Variants in NRF1 observed in about 807,000 individuals in gnomAD.
NRF1 encodes the protein alpha palindromic-binding protein.
NRF1 carries 5 observed loss-of-function variants against 58.5 expected under a neutral mutation model. That is an observed-to-expected ratio of 0.09 (90% CI 0.04 to 0.18). The LOEUF (loss-of-function observed/expected upper bound fraction) is 0.18, where lower values mean the gene tolerates loss of function less well. Ranked by LOEUF, NRF1 falls within the 10% of genes least tolerant of loss-of-function variation. NRF1 has a pLI of 1.00. For missense variants in NRF1, 288 were observed against 657.7 expected (o/e 0.44, Z 6.15); for synonymous variants, 224 against 246.7 (o/e 0.91, Z 0.86).
At chr7:129,665,289 G>GCTTA (rs981279945) in intron 2 of NRF1, among the ~76,000 whole-genome samples, 2 of 152,208 alleles carry the variant, frequency 1.3e-5, no homozygotes, top group African/African-American at 4.8e-5. Context: ...AGAGCACAGG[G>GCTTA]CTTACCTGCC....
chr7:129,634,123 T>C (rs990670919), intron 1 of NRF1, among the ~76,000 whole-genome samples: 2 of 150,414 alleles, frequency 1.3e-5, no homozygotes, highest in African/African-American at 4.9e-5. Flanking sequence ...ACAGAAAAAT[T>C]GAGTGGAGAG....
chr7:129,716,039 C>T (rs2116213731), intron 8 of NRF1, among the ~76,000 whole-genome samples: 1 of 152,028 alleles, frequency 6.6e-6, no homozygotes, highest in East Asian at 1.9e-4. Flanking sequence ...TTCTATGCAG[C>T]CATTTTTAAG....
At chr7:129,656,083 T>C (rs1801648138) in intron 1 of NRF1, among the ~76,000 whole-genome samples, 1 of 152,164 alleles carries the variant, frequency 6.6e-6, no homozygotes, top group African/African-American at 2.4e-5. Flanking sequence ...CAGATGTCTA[T>C]TCAAGAATAG....
intron 5 of NRF1, among the ~76,000 whole-genome samples, chr7:129,704,563 T>G (rs970416982): frequency 2.0e-5 from 3 of 152,182 alleles, no homozygotes; most frequent in Admixed American, 2.0e-4. Flanking sequence ...CCTGAAATGT[T>G]TGGGACCAGA....
chr7:129,716,508 AT>A (rs1803192962), intron 8 of NRF1, among the ~76,000 whole-genome samples: 1 of 152,064 alleles, frequency 6.6e-6, no homozygotes, highest in Admixed American at 6.6e-5. Flanking sequence ...AATTGTATAT[AT>A]TTATCTGGCA....
intron 4 of NRF1, among the ~76,000 whole-genome samples, chr7:129,682,290 C>T (rs1802333249): frequency 6.6e-6 from 1 of 151,906 alleles, no homozygotes; most frequent in East Asian, 1.9e-4. Flanking sequence ...GAGACTTCAT[C>T]TCTACAAAAA....
chr7:129,730,874 G>A (rs779916996), intron 10 of NRF1, among the ~76,000 whole-genome samples: 1 of 151,924 alleles, frequency 6.6e-6, no homozygotes, highest in Non-Finnish European at 1.5e-5. Flanking sequence ...CTACTTGGGG[G>A]TCTGAGGTGA....
intron 1 of NRF1, among the ~76,000 whole-genome samples, chr7:129,647,626 C>G (rs1308650401): frequency 1.3e-5 from 2 of 152,130 alleles, no homozygotes; most frequent in African/African-American, 4.8e-5. Context: ...AAACTTCTGA[C>G]CTCGCGATCC....
At chr7:129,747,217 G>A (rs1803996536) in intron 10 of NRF1, among the ~76,000 whole-genome samples, 1 of 152,114 alleles carries the variant, frequency 6.6e-6, no homozygotes. Context: ...GAGTGGTTCT[G>A]CCTGGTTGCT....
At chr7:129,660,624 G>A (rs1222063853) in intron 2 of NRF1, among the ~76,000 whole-genome samples, 1 of 150,892 alleles carries the variant, frequency 6.6e-6, no homozygotes. Flanking sequence ...TTGATTCCAT[G>A]TCTCACATCC....
At chr7:129,668,347 C>A (rs1014720617) in intron 2 of NRF1, among the ~76,000 whole-genome samples, 5 of 152,116 alleles carry the variant, frequency 3.3e-5, no homozygotes, top group Non-Finnish European at 5.9e-5. Context: ...GGAGATATAA[C>A]CTTAATGAGT....
At chr7:129,719,497 AACACACACACACACACACACACAC>A (rs67443980) in intron 9 of NRF1, among the ~76,000 whole-genome samples, 1 of 141,894 alleles carries the variant, frequency 7.0e-6, no homozygotes, top group East Asian at 2.0e-4. Context: ...AGGAAACTGA[AACACACACACACACACACACACAC>A]ACACACACAC....
chr7:129,670,691 A>G (rs937062534), intron 2 of NRF1, among the ~76,000 whole-genome samples: 3 of 152,326 alleles, frequency 2.0e-5, no homozygotes, highest in Middle Eastern at 3.4e-3. Context: ...AGAGACTTCA[A>G]TAGTTCCTTT....
At chr7:129,709,710 C>A (rs1029828487) in intron 6 of NRF1, among the ~76,000 whole-genome samples, 3 of 148,578 alleles carry the variant, frequency 2.0e-5, no homozygotes, top group Admixed American at 1.3e-4. Flanking sequence ...ATTTATTTTT[C>A]TTTTTCTTTC....
chr7:129,747,607 A>G (rs779336702), intron 10 of NRF1, among the ~76,000 whole-genome samples: 11 of 152,122 alleles, frequency 7.2e-5, no homozygotes, highest in Non-Finnish European at 1.2e-4. Context: ...CATCCCATCT[A>G]TCTAGTTTAG....
intron 1 of NRF1, among the ~76,000 whole-genome samples, chr7:129,639,855 CT>C (rs1041893628): frequency 6.6e-6 from 1 of 152,092 alleles, no homozygotes; most frequent in Non-Finnish European, 1.5e-5. Context: ...TCCGCCCCCC[CT>C]TTTTTAAAAA....
chr7:129,682,345 G>T (rs950292556), intron 4 of NRF1, among the ~76,000 whole-genome samples: 1 of 151,626 alleles, frequency 6.6e-6, no homozygotes, highest in Non-Finnish European at 1.5e-5. Flanking sequence ...TATAATCTTA[G>T]CTTCTTGGGA....
chr7:129,672,587 A>G (rs1370003337), intron 3 of NRF1, among the ~76,000 whole-genome samples: 1 of 152,208 alleles, frequency 6.6e-6, no homozygotes, highest in Non-Finnish European at 1.5e-5. Flanking sequence ...CATCATGGAT[A>G]GTAAGAAGTG....
At chr7:129,738,850 C>T (rs886619342) in intron 10 of NRF1, among the ~76,000 whole-genome samples, 70 of 152,198 alleles carry the variant, frequency 4.6e-4, no homozygotes, top group East Asian at 2.5e-3. Context: ...ACCAGATCTC[C>T]AGTACTCTTT....
Sources: gnomAD v4.1 joint callset for allele counts (sites outside exome capture counted in the v4.1 genomes callset) on GRCh38, gnomAD v4.1.1 for gene constraint, MANE v1.5 for transcripts, NCBI Gene and HGNC (gene_info 2026-07-23, HGNC 2026-07-21) for gene names.